Variants in NBPF9 observed in about 807,000 individuals in gnomAD.
NBPF9 encodes the protein NBPF member 9, also known as NBPF family member NBPF9.
In NBPF9, 91 loss-of-function variants were observed where a neutral mutation model predicts 97.8. The ratio of observed to expected loss-of-function variants is 0.93; its 90% CI spans 0.79 to 1.11. NBPF9 has a LOEUF of 1.11. Among genes scored for constraint, NBPF9 ranks in the 50% least tolerant of loss-of-function variants. The pLI is 0.00. For synonymous variants in NBPF9, 334 were observed against 359.5 expected (o/e 0.93, Z 0.80); for missense variants, 992 against 939.5 (o/e 1.06, Z -0.73).
chr1:149,089,866 C>G (rs1248069128), intron 5 of NBPF9, among the ~76,000 whole-genome samples: 1 of 152,232 alleles, frequency 6.6e-6, no homozygotes, highest in Non-Finnish European at 1.5e-5. Flanking sequence ...CAGAGACTGC[C>G]AGGCTGAGGG....
intron 12 of NBPF9, among the ~76,000 whole-genome samples, chr1:149,074,293 A>T (rs1439265628): frequency 2.0e-5 from 3 of 151,304 alleles, no homozygotes; most frequent in Non-Finnish European, 3.0e-5. Context: ...TTTTACTGGG[A>T]ATTTCAAGGA....
rs1553654112 is a variant in NBPF9 at position 149,075,651 on chromosome 1, T to G, written c.988+4A>C. On this transcript the variant is annotated splice_donor_region_variant and intron_variant, in intron 12 of 29. Transcript: ENST00000584027. The stretch of plus-strand genomic sequence containing the variant: ...TTTCGTGATGGTGAGCCTATAGATC[T>G]TACTGTATTTGTTCTGCTGGTTGGC... 6.2e-7 allele frequency: 1 copy of G among 1,607,488 alleles called. No homozygotes were observed. The highest frequency in any genetic ancestry group is 8.5e-7 in the Non-Finnish European group (1 of 1,175,228).
Position 149,075,255 on chromosome 1 carries a change from C to T in NBPF9, c.988+400G>A, listed in dbSNP as rs1188757429. Among the ~76,000 whole-genome samples the T allele has an allele frequency of 5.3e-5, 8 of 152,194 alleles. No individual in the cohort carries two copies. In the East Asian group the frequency reaches 1.2e-3, roughly 22 times the overall value. The stretch of plus-strand genomic sequence containing the variant: ...CTAGAACAGAGCTTTGCCTGTTGGG[C>T]CTCAACAGAAACTTGAACTGAATAA... On this transcript the variant is annotated intron_variant, in intron 12 of 29. Coordinates refer to ENST00000584027, the Ensembl canonical transcript of NBPF9.
chr1:149,086,127 CTTA>C (rs1219632225), intron 5 of NBPF9, among the ~76,000 whole-genome samples: 1 of 151,110 alleles, frequency 6.6e-6, no homozygotes, highest in Non-Finnish European at 1.5e-5. Context: ...TGTACTTTCA[CTTA>C]TTATTGGACA....
At chr1:149,094,008 G>A (rs1339658047) in intron 4 of NBPF9, among the ~76,000 whole-genome samples, 126 of 148,762 alleles carry the variant, frequency 8.5e-4, no homozygotes, top group South Asian at 4.4e-4. Flanking sequence ...GGTGGCAGGC[G>A]CCTGTAATCC....
Position 149,072,945 on chromosome 1 carries a change from G to C in NBPF9, c.1092-13C>G. On this transcript the variant is annotated splice_polypyrimidine_tract_variant and intron_variant, in intron 13 of 29. Coordinates refer to ENST00000584027, the Ensembl canonical transcript of NBPF9. ...GACTTTATATTGCCTAAGGTGAGAT[G>C]GTAGAGAAAAATTAAGAGTGGAAAG... The C allele has an allele frequency of 6.2e-7, 1 of 1,606,222 alleles. No individual in the cohort carries two copies. The highest frequency in any genetic ancestry group is 8.5e-7 in the Non-Finnish European group (1 of 1,175,178).
In NBPF9 at chr1:149,082,162, G is replaced by T. The variant is rs782064743; in HGVS notation, c.-23C>A. 9.3e-6 allele frequency: 15 copies of T among 1,611,982 alleles called. No homozygotes were observed. In the African/African-American group the frequency reaches 9.4e-5, roughly 10 times the overall value. ...CATGCTGACGTTTGTGGCAGAAGAG[G>T]TGGGGCCAGGGACTGGGGAGAAGAA... On this transcript the variant is annotated 5_prime_UTR_variant, in exon 7 of 30. Coordinates refer to ENST00000584027, the Ensembl canonical transcript of NBPF9.
rs782306685 is a variant in NBPF9 at position 149,055,909 on chromosome 1, G to A, written c.3093-10C>T. 3.1e-6 allele frequency: 5 copies of A among 1,592,610 alleles called. No homozygotes were observed. The Admixed American group carries it at 6.9e-5, about 22-fold the overall frequency. On this transcript the variant is annotated splice_polypyrimidine_tract_variant and intron_variant, in intron 29 of 29. Transcript: ENST00000584027. ...CAGCACGCCGTTGAGCCTGGAAAAGGAGACAAAACTAAAGAAGCAGCCAGG... is the reference window on the plus strand; with the variant it reads ...CAGCACGCCGTTGAGCCTGGAAAAGAAGACAAAACTAAAGAAGCAGCCAGG...
At chr1:149,079,812 G>A (rs1336534219) in intron 8 of NBPF9, among the ~76,000 whole-genome samples, 2 of 152,156 alleles carry the variant, frequency 1.3e-5, no homozygotes, top group Non-Finnish European at 2.9e-5. Context: ...TTTGTGTTAT[G>A]TAAATTTCAC....
intron 24 of NBPF9, 192 bp from the exon 25 acceptor site, chr1:149,060,000 G>T (rs1176237828): frequency 5.1e-6 from 2 of 389,706 alleles, no homozygotes; most frequent in Non-Finnish European, 9.3e-6. Context: ...AGAAACTGTG[G>T]GTAAAATGTC....
rs782454691 is a variant in NBPF9, at chr1:149,062,919, A to G, written c.2027-6T>C. ...TTCTTGGTACTTTTCAATTTCTGCA[A>G]TAAGTTCAGACATGGACAGTCATAT... is the stretch of plus-strand genomic sequence containing the variant. On this transcript the variant is annotated splice_region_variant and splice_polypyrimidine_tract_variant and intron_variant, in intron 20 of 29. Coordinates refer to ENST00000584027, the Ensembl canonical transcript of NBPF9. 60 of 844,172 alleles carry G rather than the reference A, an allele frequency of 7.1e-5. No individual in the cohort carries two copies. The highest frequency in any genetic ancestry group is 1.1e-4 in the Non-Finnish European group (55 of 489,010). The allele number at this position is 844,172 out of a possible 1,614,324, so 52.3% of individuals were successfully genotyped here.
At chr1:149,079,181 T>G in exon 9 of NBPF9, 1 of 1,174,574 alleles carries the variant, frequency 8.5e-7, no homozygotes, top group South Asian at 1.2e-5. Context: ...TTTAACTGCG[T>G]CAGCTCTCGT....
chr1:149,096,367 A>T (rs2081765265), intron 4 of NBPF9, among the ~76,000 whole-genome samples: 1 of 42,708 alleles, frequency 2.3e-5, no homozygotes. Context: ...GTTGATAATG[A>T]TGTATCAATA....
chr1:149,076,707 A>C (rs1183686207), intron 11 of NBPF9, among the ~76,000 whole-genome samples: 1 of 144,248 alleles, frequency 6.9e-6, no homozygotes, highest in Non-Finnish European at 1.5e-5. Flanking sequence ...ACGGGGTTTC[A>C]CCGTGTTAGC....
intron 5 of NBPF9, among the ~76,000 whole-genome samples, chr1:149,085,354 A>T (rs1364729882): frequency 5.3e-5 from 8 of 152,176 alleles, no homozygotes; most frequent in South Asian, 2.1e-4. Context: ...CTACTGTTTT[A>T]AAATTACTGT....
chr1:149,101,835 A>C (rs1294255471), intron 2 of NBPF9, among the ~76,000 whole-genome samples: 1 of 151,570 alleles, frequency 6.6e-6, no homozygotes, highest in Non-Finnish European at 1.5e-5. Context: ...TAAAACCAAC[A>C]ATGCCACTCC....
intron 20 of NBPF9, among the ~76,000 whole-genome samples, 186 bp from the exon 21 acceptor site, chr1:149,063,099 A>T (rs2078744622): frequency 7.1e-6 from 1 of 141,394 alleles, no homozygotes. Context: ...TGTCCCAGAA[A>T]CTGTGGGTAA....
In NBPF9 at chr1:149,072,572, T is replaced by A. The variant is rs143286503; in HGVS notation, c.1306+146A>T. ...CCCATGGGTTTCCCATCTCCGTTCTTACCCAAGAAGTCCTTGTCATGTCAT... is the reference window on the plus strand; with the variant it reads ...CCCATGGGTTTCCCATCTCCGTTCTAACCCAAGAAGTCCTTGTCATGTCAT... On this transcript the variant is annotated intron_variant, in intron 14 of 29. Coordinates refer to ENST00000584027, the Ensembl canonical transcript of NBPF9. 677 of 1,392,714 alleles carry A rather than the reference T, an allele frequency of 4.9e-4. 7 individuals are homozygous for A. The African/African-American group carries it at 8.5e-3, about 17-fold the overall frequency. The allele number at this position is 1,392,714 out of a possible 1,614,324, so 86.3% of individuals were successfully genotyped here. A position where few individuals can be genotyped will look rare whatever the true frequency, so the allele number is the denominator to read the frequency against.
chr1:149,064,974 A>G (rs1575829579), intron 18 of NBPF9: 3 of 535,692 alleles, frequency 5.6e-6, no homozygotes, highest in Admixed American at 3.2e-5. Context: ...AAAGTCAGCC[A>G]TTTATCTAGA....
Sources: allele counts gnomAD v4.1 joint callset (sites outside exome capture counted in the v4.1 genomes callset), GRCh38; gene constraint gnomAD v4.1.1; transcripts MANE v1.5; gene names NCBI Gene and HGNC (gene_info 2026-07-23, HGNC 2026-07-21).